Variants in TEX9 observed in about 807,000 individuals in gnomAD.
TEX9 encodes the protein testis expressed 9, also known as testis-expressed protein 9.
A neutral mutation model predicts 59.6 loss-of-function variants in TEX9; 74 were observed. The observed-to-expected ratio is 1.24, with a 90% confidence interval of 1.03 to 1.51. TEX9 has a LOEUF of 1.51. Ranked by LOEUF, TEX9 falls within the 40% of genes most tolerant of loss-of-function variation. TEX9 has a pLI of 0.00. For synonymous variants in TEX9, 186 were observed against 152.2 expected (o/e 1.22, Z -1.64); for missense variants, 522 against 447.8 (o/e 1.17, Z -1.49).
chr15:56,356,854 G>A (rs972958086), intron 1 of TEX9, among the ~76,000 whole-genome samples: 4 of 152,184 alleles, frequency 2.6e-5, no homozygotes, highest in African/African-American at 7.2e-5. Flanking sequence ...GCATCACATG[G>A]TGGTGGTGGT....
At chr15:56,412,943 C>G (rs2049435920) in intron 10 of TEX9, among the ~76,000 whole-genome samples, 1 of 152,042 alleles carries the variant, frequency 6.6e-6, no homozygotes, top group African/African-American at 2.4e-5. Flanking sequence ...TGAGAAATTG[C>G]ACTTTTAACA....
intron 3 of TEX9, among the ~76,000 whole-genome samples, chr15:56,382,067 T>C (rs1333346017): frequency 6.6e-6 from 1 of 152,218 alleles, no homozygotes; most frequent in African/African-American, 2.4e-5. Context: ...GTACTCGGAC[T>C]ACAACATAAA....
At chr15:56,456,612 C>A in the TEX9 span, 2 of 1,269,974 alleles carry the variant, frequency 1.6e-6, no homozygotes, top group South Asian at 1.4e-5. Context: ...AAACTAAATG[C>A]CTTAAGGCCA....
intron 9 of TEX9, among the ~76,000 whole-genome samples, chr15:56,409,200 A>T (rs1317290435): frequency 6.6e-6 from 1 of 152,180 alleles, no homozygotes; most frequent in East Asian, 1.9e-4. Context: ...CGTCTCAAAA[A>T]AAAAAAAAAA....
At chr15:56,429,247 A>G in intron 12 of TEX9, 1 of 1,183,956 alleles carries the variant, frequency 8.4e-7, no homozygotes, top group Non-Finnish European at 1.2e-6. Flanking sequence ...ATTTCACTAA[A>G]TGCTTTTAAG....
chr15:56,394,092 A>C, intron 7 of TEX9, 73 bp from the exon 8 acceptor site: 1 of 1,372,624 alleles, frequency 7.3e-7, no homozygotes, highest in Non-Finnish European at 1.0e-6. Flanking sequence ...TTTATAAAGT[A>C]ATGGTCTGTC....
intron 1 of TEX9, among the ~76,000 whole-genome samples, chr15:56,285,935 T>G (rs1194014079): frequency 2.6e-5 from 4 of 152,156 alleles, no homozygotes; most frequent in Admixed American, 1.3e-4. Context: ...TCACCATGGA[T>G]TGAAATAGTT....
intron 7 of TEX9, 34 bp from the exon 8 acceptor site, chr15:56,394,130 CA>C (rs1427502114): frequency 1.9e-6 from 3 of 1,565,554 alleles, no homozygotes; most frequent in Non-Finnish European, 2.6e-6. Context: ...TTAGATTCAG[CA>C]AAAGACAGTA....
the TEX9 span, among the ~76,000 whole-genome samples, chr15:56,455,735 T>C: frequency 1.3e-5 from 2 of 152,152 alleles, no homozygotes; most frequent in African/African-American, 4.8e-5. Flanking sequence ...TGGAGTATTA[T>C]ACGGAAGTAT....
At chr15:56,313,224 A>G (rs1422564332) in intron 1 of TEX9, among the ~76,000 whole-genome samples, 1 of 139,058 alleles carries the variant, frequency 7.2e-6, no homozygotes, top group Non-Finnish European at 1.6e-5. Flanking sequence ...GTCTTGTGCC[A>G]GTTTTCAAAG....
chr15:56,420,239 T>A (rs2049911227), intron 10 of TEX9, among the ~76,000 whole-genome samples: 1 of 151,736 alleles, frequency 6.6e-6, no homozygotes, highest in African/African-American at 2.4e-5. Context: ...ATTTTTTTTA[T>A]TGATTTCTGC....
At chr15:56,365,545 A>C (rs2046901226) in intron 1 of TEX9, 34 bp from the exon 2 acceptor site, 1 of 1,614,010 alleles carries the variant, frequency 6.2e-7, no homozygotes, top group African/African-American at 1.3e-5. Context: ...ACTTCCTTTA[A>C]CTTCGGGTCT....
chr15:56,311,061 A>C (rs1339440565), intron 1 of TEX9, among the ~76,000 whole-genome samples: 1 of 150,824 alleles, frequency 6.6e-6, no homozygotes, highest in Non-Finnish European at 1.5e-5. Context: ...TGGCATTTGC[A>C]CCCACAGCTG....
exon 11 of TEX9, chr15:56,427,725 T>G: frequency 6.7e-7 from 1 of 1,489,784 alleles, no homozygotes; most frequent in East Asian, 2.5e-5. Flanking sequence ...AATTGATGTT[T>G]TAAAAAGGCA....
chr15:56,307,082 T>TG (rs1189214834), intron 1 of TEX9, among the ~76,000 whole-genome samples: 1 of 152,154 alleles, frequency 6.6e-6, no homozygotes, highest in African/African-American at 2.4e-5. Context: ...TACACTTTCC[T>TG]GGGGGGAAAA....
intron 4 of TEX9, among the ~76,000 whole-genome samples, chr15:56,387,234 A>T (rs1216149281): frequency 6.6e-6 from 1 of 151,964 alleles, no homozygotes. Context: ...ATGGAGACAG[A>T]TAACCCTTAA....
intron 9 of TEX9, among the ~76,000 whole-genome samples, chr15:56,404,441 T>C (rs571666163): frequency 1.1e-4 from 16 of 152,230 alleles, no homozygotes; most frequent in African/African-American, 3.4e-4. Context: ...GAGATACCAT[T>C]TCACACCAGT....
At chr15:56,267,855 T>A (rs1257165871) in intron 1 of TEX9, among the ~76,000 whole-genome samples, 2 of 152,218 alleles carry the variant, frequency 1.3e-5, no homozygotes. Context: ...TTTTTTCCAA[T>A]TCTATGAAGA....
chr15:56,376,787 G>A (rs2047474267), intron 3 of TEX9, among the ~76,000 whole-genome samples: 1 of 151,932 alleles, frequency 6.6e-6, no homozygotes, highest in South Asian at 2.1e-4. Flanking sequence ...TTGCTTTGGT[G>A]ACTTTTGCTT....
Sources: allele counts gnomAD v4.1 joint callset (sites outside exome capture counted in the v4.1 genomes callset), GRCh38; gene constraint gnomAD v4.1.1; transcripts MANE v1.5; gene names NCBI Gene and HGNC (gene_info 2026-07-23, HGNC 2026-07-21).